The following APBB2 variants were observed in gnomAD, a reference collection of about 807,000 sequenced individuals.
APBB2 encodes the protein amyloid beta precursor protein binding family B member 2, also known as Fe65-like 1.
Under a neutral mutation model 82.5 loss-of-function variants are expected in APBB2, and 38 were observed. The observed-to-expected ratio is 0.46, with a 90% CI of 0.36 to 0.60. The LOEUF (loss-of-function observed/expected upper bound fraction) is 0.60, where lower values mean the gene tolerates loss of function less well. Among genes scored for constraint, APBB2 ranks in the 20% least tolerant of loss-of-function variants. APBB2 has a pLI of 0.00. For synonymous variants in APBB2, 341 were observed against 368.2 expected (o/e 0.93, Z 0.85); for missense variants, 772 against 972.3 (o/e 0.79, Z 2.74).
chr4:41,033,072 C>T (rs536386715), intron 5 of APBB2, among the ~76,000 whole-genome samples, 164 bp downstream of exon 5: 2 of 152,060 alleles, frequency 1.3e-5, no homozygotes, highest in Admixed American at 6.5e-5. Flanking sequence ...CGTGAGCCAC[C>T]GCGCCCGGCC....
Position 41,014,124 on chromosome 4 carries a change from C to T in APBB2, c.294G>A (p.Lys98=). Residue 98 remains lysine, a synonymous_variant, in exon 6 of 18, where the codon AAG becomes AAA. Transcript: ENST00000508593. ...PLLGNGSANI[K]LVKNGENQLR... ...GCTGGTTCTCCCCATTTTTCACCAG[C>T]TTGATGTTGGCAGAGCCATTTCCCA... 1 of 1,614,194 alleles carries T rather than the reference C, an allele frequency of 6.2e-7. No individual in the cohort carries two copies. Among genetic ancestry groups the T allele is most frequent in the African/African-American group, 1.3e-5 (1 of 75,046 alleles).
intron 2 of APBB2, among the ~76,000 whole-genome samples, chr4:41,103,921 G>A (rs373590580): frequency 1.3e-4 from 20 of 152,248 alleles, no homozygotes; most frequent in African/African-American, 4.6e-4. Context: ...TCCCAATAGG[G>A]ATGTTTAAAG....
rs769380348 is a variant in APBB2, at chr4:41,013,741, A to G, written c.677T>C (p.Val226Ala). 3.1e-6 allele frequency: 5 copies of G among 1,614,112 alleles called. No individual in the cohort carries two copies. In the East Asian group the frequency reaches 8.9e-5, roughly 29 times the overall value. Residue 226 changes from valine to alanine, a missense_variant, in exon 6 of 18, where the codon GTG becomes GCG. By Grantham distance (64) the Val-to-Ala change is moderately conservative. Coordinates refer to ENST00000508593, the MANE Select transcript of APBB2 (RefSeq NM_004307.2). ...SSPEDGQVAT[V>A]SSSPETKKDH... ...CTTCTTGGTTTCTGGGCTGGATGAC[A>G]CTGTGGCTACTTGGCCGTCTTCAGG...
At chr4:40,823,823 C>A in intron 15 of APBB2, 64 bp from the exon 16 acceptor site, 2 of 999,398 alleles carry the variant, frequency 2.0e-6, no homozygotes, top group Non-Finnish European at 1.6e-6. Flanking sequence ...AATGTGGGCC[C>A]AAATCACCAA....
chr4:40,890,847 A>T (rs1771805826), intron 11 of APBB2: 1 of 171,736 alleles, frequency 5.8e-6, no homozygotes, highest in South Asian at 1.5e-4. Context: ...AACTCTTGGA[A>T]CCTGTCTCTC....
At chr4:40,949,276 G>C (rs966023288) in intron 6 of APBB2, among the ~76,000 whole-genome samples, 2 of 152,084 alleles carry the variant, frequency 1.3e-5, no homozygotes, top group Admixed American at 6.6e-5. Context: ...CAAAAAAGGC[G>C]GGGGGAGGGG....
intron 12 of APBB2, among the ~76,000 whole-genome samples, chr4:40,870,620 A>C (rs1393109457): frequency 6.6e-6 from 1 of 152,180 alleles, no homozygotes; most frequent in Non-Finnish European, 1.5e-5. Context: ...CCACTGCCCT[A>C]ACTGTAGAAG....
At chr4:41,117,073 C>A (rs1359100216) in intron 2 of APBB2, among the ~76,000 whole-genome samples, 1 of 152,092 alleles carries the variant, frequency 6.6e-6, no homozygotes, top group African/African-American at 2.4e-5. Flanking sequence ...GCTTTCCTAA[C>A]CCCCCATCCC....
intron 10 of APBB2, among the ~76,000 whole-genome samples, chr4:40,907,023 G>C (rs938488170): frequency 6.6e-6 from 1 of 152,050 alleles, no homozygotes; most frequent in African/African-American, 2.4e-5. Flanking sequence ...TATGTAGATG[G>C]ATCTAGGTAC....
At chr4:41,168,264 C>T (rs913048594) in intron 1 of APBB2, among the ~76,000 whole-genome samples, 6 of 146,930 alleles carry the variant, frequency 4.1e-5, no homozygotes, top group East Asian at 4.0e-4. Context: ...CCAGCCTGGG[C>T]GACAGAGTGA....
At chr4:40,882,526 C>G (rs1462191223) in intron 12 of APBB2, among the ~76,000 whole-genome samples, 2 of 152,206 alleles carry the variant, frequency 1.3e-5, no homozygotes, top group Non-Finnish European at 2.9e-5. Flanking sequence ...AGAACTGATG[C>G]AACTGGGATA....
intron 1 of APBB2, among the ~76,000 whole-genome samples, chr4:41,148,479 CA>C (rs1761387934): frequency 6.6e-6 from 1 of 152,180 alleles, no homozygotes; most frequent in Non-Finnish European, 1.5e-5. Flanking sequence ...AACTATAAAG[CA>C]CTATATTCAT....
At chr4:41,054,014 G>C (rs1419698483) in intron 4 of APBB2, among the ~76,000 whole-genome samples, 1 of 152,186 alleles carries the variant, frequency 6.6e-6, no homozygotes, top group Non-Finnish European at 1.5e-5. Context: ...TTAAGTAACA[G>C]AAAACCTACC....
intron 10 of APBB2, among the ~76,000 whole-genome samples, chr4:40,906,215 G>C (rs76171353): frequency 0.022 from 3,409 of 152,080 alleles, 102 homozygotes; most frequent in African/African-American, 0.067. Flanking sequence ...CCAGCACTTT[G>C]GGAGGCTGAG....
Position 41,188,616 on chromosome 4 carries a change from C to T in APBB2, c.-417+25789G>A, listed in dbSNP as rs968507821. Among the ~76,000 whole-genome samples the T allele has an allele frequency of 4.6e-5, 7 of 152,196 alleles. No homozygotes were observed. In the South Asian group the frequency reaches 1.4e-3, roughly 32 times the overall value. On this transcript the variant is annotated intron_variant, in intron 1 of 17. Coordinates refer to ENST00000508593, the MANE Select transcript of APBB2 (RefSeq NM_004307.2). ...TCATCTCGAACGTTTTCCAGCTTCC[C>T]GAACTGTGAGAAATAAGTGTCTGTT...
chr4:40,966,865 T>G lies in APBB2; in HGVS notation c.836-21792A>C, dbSNP rs534992455. Among the ~76,000 whole-genome samples, 44 of 152,222 alleles carry G rather than the reference T, an allele frequency of 2.9e-4. No individual in the cohort carries two copies. In the East Asian group the frequency reaches 5.4e-3, roughly 19 times the overall value. On this transcript the variant is annotated intron_variant, in intron 6 of 17. Transcript: ENST00000508593. ...TAATGGCGGCAGGAGGCAGATAGGC[T>G]CCTGGGCAGAAAGGGTCAGGTCCAC...
chr4:41,161,552 G>A (rs1765172559), intron 1 of APBB2, among the ~76,000 whole-genome samples: 1 of 152,148 alleles, frequency 6.6e-6, no homozygotes, highest in Admixed American at 6.5e-5. Flanking sequence ...GCAGCTGTGA[G>A]CTAAAATTGT....
intron 6 of APBB2, among the ~76,000 whole-genome samples, chr4:40,960,225 A>C (rs1792726259): frequency 6.6e-6 from 1 of 152,132 alleles, no homozygotes; most frequent in African/African-American, 2.4e-5. Context: ...GATCAGAGTA[A>C]AAGCTTCTTT....
intron 1 of APBB2, among the ~76,000 whole-genome samples, chr4:41,213,563 C>T (rs1779856929): frequency 6.6e-6 from 1 of 151,984 alleles, no homozygotes; most frequent in African/African-American, 2.4e-5. Flanking sequence ...TTGCCCCGAA[C>T]CCGTAGTCTA....
Sources: gnomAD v4.1 joint callset for allele counts (sites outside exome capture counted in the v4.1 genomes callset) on GRCh38, gnomAD v4.1.1 for gene constraint, MANE v1.5 for transcripts, NCBI Gene and HGNC (gene_info 2026-07-23, HGNC 2026-07-21) for gene names.